The following ETS1 variants were observed in gnomAD, a reference collection of about 807,000 sequenced individuals.
ETS1 encodes the protein ETS proto-oncogene 1, transcription factor.
In ETS1, 15 loss-of-function variants were observed where a neutral mutation model predicts 58.6. The ratio of observed to expected loss-of-function variants is 0.26; its 90% CI spans 0.17 to 0.39. The LOEUF (loss-of-function observed/expected upper bound fraction) is 0.39. Ranked by LOEUF, ETS1 falls within the 10% of genes least tolerant of loss-of-function variation. The pLI, the probability that ETS1 is intolerant of heterozygous loss-of-function variation, is 1.00. For synonymous variants in ETS1, 214 were observed against 218.2 expected, an observed-to-expected ratio of 0.98 and a Z score of 0.17; for missense variants, 417 against 610.5, an observed-to-expected ratio of 0.68 and a Z score of 3.34.
At chr11:128,497,664 G>A (rs532733520) in intron 3 of ETS1, 13 of 838,362 alleles carry the variant, frequency 1.6e-5, no homozygotes, top group Admixed American at 6.2e-5. Flanking sequence ...CGGCAGCGCC[G>A]GAGTTCAGAC....
intron 8 of ETS1, among the ~76,000 whole-genome samples, chr11:128,470,959 A>G (rs981130249): frequency 1.3e-5 from 2 of 152,210 alleles, no homozygotes; most frequent in Admixed American, 6.5e-5. Flanking sequence ...TTGCAAGTGA[A>G]AGTATCACAG....
At chr11:128,462,691 G>A in intron 9 of ETS1, 115 bp from the exon 10 acceptor site, 1 of 743,472 alleles carries the variant, frequency 1.3e-6, no homozygotes. Context: ...TGATGCTCAA[G>A]TAAGATGATT....
chr11:128,544,935 G>C lies in ETS1; in HGVS notation c.214+11356C>G, dbSNP rs201868857. On this transcript the variant is annotated intron_variant, in intron 3 of 9. Transcript: ENST00000392668. ...GCACGTGCTGTGTACACTGTGGGTAGCTTCAAGGGTATAACCTTTCAGAAA... is the reference window on the plus strand; with the variant it reads ...GCACGTGCTGTGTACACTGTGGGTACCTTCAAGGGTATAACCTTTCAGAAA... Among the ~76,000 whole-genome samples, 14 of 151,322 alleles carry C rather than the reference G, an allele frequency of 9.3e-5. No homozygotes were observed. In the East Asian group the frequency reaches 2.5e-3, roughly 27 times the overall value.
At chr11:128,501,453 G>A (rs983456319) in intron 3 of ETS1, among the ~76,000 whole-genome samples, 7 of 152,072 alleles carry the variant, frequency 4.6e-5, no homozygotes, top group Admixed American at 3.9e-4. Context: ...TTCACAACAG[G>A]GCTTCACATT....
rs564454092 is a variant in ETS1 at position 128,499,958 on chromosome 11, C to T, written c.215-9382G>A. 2.0e-5 allele frequency among the ~76,000 whole-genome samples: 3 copies of T among 152,322 alleles called. No individual in the cohort carries two copies. The South Asian group carries it at 6.2e-4, about 32-fold the overall frequency. On this transcript the variant is annotated intron_variant, in intron 3 of 9. Coordinates refer to ENST00000392668, the MANE Select transcript of ETS1 (RefSeq NM_001143820.2). ...GGCTGGAAGAGGTAAAGTTTTTCTGCACTTTTGAACTGTTTTCTCAAGGCC... is the reference window on the plus strand; with the variant it reads ...GGCTGGAAGAGGTAAAGTTTTTCTGTACTTTTGAACTGTTTTCTCAAGGCC...
At chr11:128,556,555 A>G (rs535413830) in intron 2 of ETS1, 120 bp from the exon 3 acceptor site, 1 of 623,490 alleles carries the variant, frequency 1.6e-6, no homozygotes, top group South Asian at 2.8e-5. Context: ...ATAGATGATG[A>G]CAGAACAGAG....
chr11:128,548,093 C>T (rs1269274611), intron 3 of ETS1, among the ~76,000 whole-genome samples: 2 of 40,852 alleles, frequency 4.9e-5, no homozygotes, highest in African/African-American at 1.9e-4. Context: ...AAAGAAAGAG[C>T]GAGGAAGGAA....
At chr11:128,564,923 T>A (rs533464410) in intron 2 of ETS1, among the ~76,000 whole-genome samples, 3 of 149,376 alleles carry the variant, frequency 2.0e-5, no homozygotes, top group African/African-American at 2.5e-5. Flanking sequence ...GGGTTTTTTG[T>A]TTTTTTTTGT....
chr11:128,569,318 C>CTTTTTTGTTTTTTTTTTTTTTTTTTTTTT (rs1864575323), intron 2 of ETS1, among the ~76,000 whole-genome samples: 1 of 39,460 alleles, frequency 2.5e-5, no homozygotes, highest in Non-Finnish European at 4.5e-5. Flanking sequence ...AGAGTTTCTT[C>CTTTTTTGTTTTTTTTTTTTTTTTTTTTTT]TTTTTTTTTT....
At position 128,459,708 on chromosome 11, in the gene ETS1, A is replaced by T. The variant is rs1861854806; in HGVS notation, c.*2653T>A. The T allele has an allele frequency of 6.5e-6, 1 of 152,822 alleles. No homozygotes were observed. The highest frequency in any genetic ancestry group is 2.1e-4 in the South Asian group (1 of 4,832). 9.5% of individuals were successfully genotyped at this position (152,822 alleles called of 1,614,324 possible). ...GTCTCTGGCCTTTGGACAAAGGAGA[A>T]AAAACATCTGGCCAGATCGACAAAG... On this transcript the variant is annotated 3_prime_UTR_variant, in exon 10 of 10. Coordinates refer to ENST00000392668, the MANE Select transcript of ETS1 (RefSeq NM_001143820.2).
intron 1 of ETS1, among the ~76,000 whole-genome samples, chr11:128,584,938 A>AAAGAAAG (rs1555092838): frequency 1.6e-5 from 1 of 62,562 alleles, no homozygotes; most frequent in Admixed American, 2.0e-4. Flanking sequence ...GAAAAAAGAG[A>AAAGAAAG]AAAGAAAGAA....
chr11:128,505,228 G>A (rs1181562435), intron 3 of ETS1: 2 of 152,218 alleles, frequency 1.3e-5, no homozygotes, highest in African/African-American at 4.8e-5. Flanking sequence ...TAGGGTCACT[G>A]AGCCATGGTG....
At chr11:128,506,090 T>G (rs1269400742) in intron 3 of ETS1, among the ~76,000 whole-genome samples, 4 of 152,150 alleles carry the variant, frequency 2.6e-5, no homozygotes, top group African/African-American at 9.7e-5. Flanking sequence ...ATACGAGCCC[T>G]TCTCCTCACA....
intron 3 of ETS1, among the ~76,000 whole-genome samples, chr11:128,515,428 A>T (rs1863497766): frequency 6.6e-6 from 1 of 152,202 alleles, no homozygotes; most frequent in Non-Finnish European, 1.5e-5. Context: ...TCAGACACTG[A>T]GAAACAAATT....
At chr11:128,585,022 A>AAG (rs1555092954) in intron 1 of ETS1, among the ~76,000 whole-genome samples, 1 of 14,362 alleles carries the variant, frequency 7.0e-5, no homozygotes, top group East Asian at 3.1e-3. Flanking sequence ...GAAAGAAAGA[A>AAG]GAAAGAAAGA....
intron 3 of ETS1, among the ~76,000 whole-genome samples, chr11:128,554,173 G>C (rs1864278273): frequency 6.6e-6 from 1 of 152,158 alleles, no homozygotes; most frequent in Admixed American, 6.5e-5. Flanking sequence ...GGGCTAGAAA[G>C]GCTCAGGGTT....
At chr11:128,487,372 C>CCAG (rs1862662101) in intron 5 of ETS1, among the ~76,000 whole-genome samples, 1 of 152,060 alleles carries the variant, frequency 6.6e-6, no homozygotes, top group Non-Finnish European at 1.5e-5. Flanking sequence ...CCAGTCTTAG[C>CCAG]GGCCAGAAGG....
chr11:128,557,965 T>C (rs879882238), intron 2 of ETS1, among the ~76,000 whole-genome samples: 1 of 152,176 alleles, frequency 6.6e-6, no homozygotes, highest in Non-Finnish European at 1.5e-5. Flanking sequence ...GCCCATTCAC[T>C]TAAGATCAGT....
intron 1 of ETS1, among the ~76,000 whole-genome samples, chr11:128,578,747 T>C (rs559638473): frequency 6.6e-6 from 1 of 152,310 alleles, no homozygotes; most frequent in Admixed American, 6.5e-5. Context: ...GTAACCTGCT[T>C]TGTTCACTGA....
Sources: gnomAD v4.1 joint callset for allele counts (sites outside exome capture counted in the v4.1 genomes callset) on GRCh38, gnomAD v4.1.1 for gene constraint, MANE v1.5 for transcripts, NCBI Gene and HGNC (gene_info 2026-07-23, HGNC 2026-07-21) for gene names.